TYW1B: variants seen among roughly 807,000 people sequenced by gnomAD.
TYW1B encodes the protein S-adenosyl-L-methionine-dependent tRNA 4-demethylwyosine synthase TYW1B.
A neutral mutation model predicts 86.9 loss-of-function variants in TYW1B; 73 were observed. The ratio of observed to expected loss-of-function variants is 0.84; its 90% CI spans 0.70 to 1.02. The LOEUF is 1.02. Among genes scored for constraint, TYW1B ranks in the 50% least tolerant of loss-of-function variants. The pLI is 0.00. For missense variants in TYW1B, 637 were observed against 827.4 expected, an observed-to-expected ratio of 0.77 and a Z score of 2.82; for synonymous variants, 248 against 292.8, an observed-to-expected ratio of 0.85 and a Z score of 1.56.
At chr7:72,742,441 A>G (rs1787321869) in intron 8 of TYW1B, among the ~76,000 whole-genome samples, 1 of 152,072 alleles carries the variant, frequency 6.6e-6, no homozygotes, top group Non-Finnish European at 1.5e-5. Context: ...GTATTTTTGG[A>G]TTGTAACTCC....
At chr7:72,705,006 A>G (rs1554453391) in intron 10 of TYW1B, among the ~76,000 whole-genome samples, 1 of 152,172 alleles carries the variant, frequency 6.6e-6, no homozygotes, top group African/African-American at 2.4e-5. Context: ...CAAACAAGAT[A>G]GGCTGGGGGG....
At chr7:72,820,970 AT>A (rs1238815269) in intron 2 of TYW1B, among the ~76,000 whole-genome samples, 1 of 149,944 alleles carries the variant, frequency 6.7e-6, no homozygotes, top group East Asian at 1.9e-4. Context: ...GCACACTTAG[AT>A]TTTTTTTGTT....
chr7:72,590,214 C>T (rs34721768), intron 13 of TYW1B, among the ~76,000 whole-genome samples: 2 of 152,216 alleles, frequency 1.3e-5, no homozygotes, highest in Admixed American at 6.5e-5. Context: ...AGTCAATCTC[C>T]GCTCTTAGCT....
At chr7:72,698,792 G>A (rs1469467715) in intron 10 of TYW1B, among the ~76,000 whole-genome samples, 4 of 152,110 alleles carry the variant, frequency 2.6e-5, no homozygotes, top group South Asian at 2.1e-4. Flanking sequence ...AAGTCACAGC[G>A]GTTACATGTA....
intron 2 of TYW1B, among the ~76,000 whole-genome samples, chr7:72,817,297 A>G (rs1327204097): frequency 6.6e-6 from 1 of 151,890 alleles, no homozygotes; most frequent in African/African-American, 2.4e-5. Flanking sequence ...CCAGCTACCT[A>G]CCTGGGAGGC....
intron 11 of TYW1B, among the ~76,000 whole-genome samples, chr7:72,646,715 T>C (rs1334702409): frequency 6.6e-6 from 1 of 152,188 alleles, no homozygotes; most frequent in African/African-American, 2.4e-5. Context: ...TATTCACGGA[T>C]AAAATGATAT....
intron 11 of TYW1B, among the ~76,000 whole-genome samples, chr7:72,644,970 G>A (rs769117453): frequency 1.3e-5 from 2 of 151,990 alleles, no homozygotes; most frequent in Non-Finnish European, 2.9e-5. Context: ...TGGGACTACA[G>A]GCGTGTGCCA....
intron 6 of TYW1B, among the ~76,000 whole-genome samples, chr7:72,780,976 T>C (rs1453546837): frequency 6.6e-6 from 1 of 151,894 alleles, no homozygotes; most frequent in Non-Finnish European, 1.5e-5. Context: ...AGCTGTTACA[T>C]GGCCTAAACA....
intron 9 of TYW1B, among the ~76,000 whole-genome samples, chr7:72,721,128 T>C (rs576557329): frequency 1.3e-5 from 2 of 152,306 alleles, no homozygotes; most frequent in East Asian, 3.9e-4. Context: ...TGTGCCACAT[T>C]TTCTTAATCC....
At chr7:72,729,373 A>T (rs1157280497) in intron 8 of TYW1B, among the ~76,000 whole-genome samples, 2 of 152,084 alleles carry the variant, frequency 1.3e-5, no homozygotes, top group East Asian at 3.9e-4. Flanking sequence ...GGCCTGGGGA[A>T]AGGACAAGAA....
intron 11 of TYW1B, among the ~76,000 whole-genome samples, chr7:72,632,376 T>TTATATATACGTATATATATATAA (rs1812533899): frequency 2.1e-5 from 2 of 96,244 alleles, no homozygotes; most frequent in Non-Finnish European, 3.8e-5. Flanking sequence ...CGCATATATA[T>TTATATATACGTATATATATATAA]TATATATATA....
Position 72,628,992 on chromosome 7 carries a change from T to A in TYW1B, c.1512A>T (p.Gln504His). 1.3e-6 allele frequency: 2 copies of A among 1,588,344 alleles called. No individual in the cohort carries two copies. Among genetic ancestry groups the A allele is most frequent in the Non-Finnish European group, 1.7e-6 (2 of 1,167,076 alleles). The change falls in exon 12 of 14, where the codon CAA becomes CAT. Residue 504 changes from glutamine (Q) to histidine (H), a missense_variant. Transcript: ENST00000620995. ...CGAGCATCAGTCTGTAGACAGTTCG[T>A]TGTTGCTAAAACAAAGGAAAAGCCA... ...DSLKALAVKQ[Q>H]RTVYRLMLVK...
At chr7:72,754,403 A>G (rs1382644527) in intron 7 of TYW1B, among the ~76,000 whole-genome samples, 1 of 150,958 alleles carries the variant, frequency 6.6e-6, no homozygotes, top group Non-Finnish European at 1.5e-5. Flanking sequence ...GGCCTCCCAC[A>G]GTGCTGGGAT....
At position 72,651,429 on chromosome 7, in the gene TYW1B, C is replaced by A. The variant is rs143144813; in HGVS notation, c.1507-22432G>T. Among the ~76,000 whole-genome samples, 89 of 152,158 alleles carry A rather than the reference C, an allele frequency of 5.8e-4. 1 individual carries two copies. In the East Asian group the frequency reaches 0.016, roughly 28 times the overall value. On this transcript the variant is annotated intron_variant, in intron 11 of 13. Coordinates refer to ENST00000620995, the MANE Select transcript of TYW1B (RefSeq NM_001145440.3). ...GGTCAGGAGTTCGAAATCAGCCTGG[C>A]CAACATGGTGAAACCCCATCTCTAC...
intron 12 of TYW1B, among the ~76,000 whole-genome samples, chr7:72,620,210 G>A (rs1466787684): frequency 7.9e-5 from 12 of 151,832 alleles, no homozygotes; most frequent in Non-Finnish European, 1.6e-4. Context: ...CAGCCTTGCC[G>A]ACATGGTGAA....
intron 8 of TYW1B, among the ~76,000 whole-genome samples, chr7:72,738,515 G>A (rs554207372): frequency 8.5e-5 from 13 of 152,146 alleles, no homozygotes; most frequent in East Asian, 1.9e-4. Context: ...CCTTTGTTGC[G>A]GAGCACTGTC....
intron 11 of TYW1B, among the ~76,000 whole-genome samples, chr7:72,634,182 T>G (rs1305053877): frequency 4.6e-5 from 7 of 152,058 alleles, no homozygotes; most frequent in African/African-American, 1.4e-4. Flanking sequence ...CCACCTCCTT[T>G]TTTTTTTCTG....
rs3015865 is a variant in TYW1B at position 72,731,962 on chromosome 7, A to T, written c.1083-3031T>A. 8.6e-3 allele frequency among the ~76,000 whole-genome samples: 1,303 copies of T among 152,234 alleles called. 7 individuals carry two copies. Among genetic ancestry groups the T allele is most frequent in the Middle Eastern group, 0.017 (5 of 294 alleles). On this transcript the variant is annotated intron_variant, in intron 8 of 13. Transcript: ENST00000620995. ...CTCAAATAAAAAAATTAAAAAATTT[A>T]AAAAAAGCAAGCAAGAGTAGCTATC... is the stretch of plus-strand genomic sequence containing the variant.
At chr7:72,743,433 T>C (rs1563079018) in intron 8 of TYW1B, among the ~76,000 whole-genome samples, 1 of 152,124 alleles carries the variant, frequency 6.6e-6, no homozygotes, top group Non-Finnish European at 1.5e-5. Flanking sequence ...GTAGCTTCTA[T>C]TAGATCTGAT....
Sources: gnomAD v4.1 joint callset for allele counts (sites outside exome capture counted in the v4.1 genomes callset) on GRCh38, gnomAD v4.1.1 for gene constraint, MANE v1.5 for transcripts, NCBI Gene and HGNC (gene_info 2026-07-23, HGNC 2026-07-21) for gene names.